VWA8: variants seen among roughly 807,000 people sequenced by gnomAD.
The protein encoded by VWA8 is von Willebrand factor A domain containing 8.
A neutral mutation model predicts 241.5 loss-of-function variants in VWA8; 221 were observed. The observed-to-expected ratio is 0.91, with a 90% CI of 0.82 to 1.02. The LOEUF is 1.02. Ranked by LOEUF, VWA8 falls within the 50% of genes least tolerant of loss-of-function variation. The pLI is 0.00. For synonymous variants in VWA8, 852 were observed against 827.1 expected, an observed-to-expected ratio of 1.03 and a Z score of -0.52; for missense variants, 2,322 against 2,328.7, an observed-to-expected ratio of 1.00 and a Z score of 0.06.
chr13:41,847,123 T>C (rs1039169727), intron 12 of VWA8, among the ~76,000 whole-genome samples: 2 of 152,146 alleles, frequency 1.3e-5, no homozygotes, highest in South Asian at 4.1e-4. Flanking sequence ...ACCAGCCTAC[T>C]GCTTGCAAAT....
intron 37 of VWA8, among the ~76,000 whole-genome samples, chr13:41,665,279 C>T (rs1481392553): frequency 1.3e-5 from 2 of 152,024 alleles, no homozygotes; most frequent in African/African-American, 4.8e-5. Flanking sequence ...CCAGGCATTA[C>T]TGTATTTCAT....
intron 21 of VWA8, among the ~76,000 whole-genome samples, chr13:41,756,164 T>C (rs2045693833): frequency 6.6e-6 from 1 of 151,794 alleles, no homozygotes; most frequent in South Asian, 2.1e-4. Context: ...GATGATATTC[T>C]AAATAACTTT....
At chr13:41,938,288 AG>A (rs1370738285) in intron 2 of VWA8, among the ~76,000 whole-genome samples, 23 of 152,182 alleles carry the variant, frequency 1.5e-4, no homozygotes, top group Non-Finnish European at 1.3e-4. Context: ...GAGACTCTAC[AG>A]GATACTTCAG....
In VWA8 at chr13:41,833,413, C is replaced by T. The variant is rs1271414675; in HGVS notation, c.1544G>A (p.Gly515Asp). ...ALEGKLVLLD[G>D]IHRVNAGTLA... is the part of the protein sequence containing the mutation. ...CGTGCCCGCATTCACCCGGTGAATG[C>T]CATCCAGCAGGACCAGCTTGCCTTC... The change falls in exon 13 of 45, where the codon GGC becomes GAC. Residue 515 changes from glycine (G) to aspartate (D), a missense_variant. Coordinates refer to ENST00000379310, the MANE Select transcript of VWA8 (RefSeq NM_015058.2). 3.7e-6 allele frequency: 6 copies of T among 1,613,414 alleles called. No homozygotes were observed. In the Admixed American group the frequency reaches 6.7e-5, roughly 18 times the overall value.
At chr13:41,944,058 T>C (rs765534891) in intron 2 of VWA8, among the ~76,000 whole-genome samples, 6 of 151,752 alleles carry the variant, frequency 4.0e-5, no homozygotes, top group Admixed American at 1.3e-4. Context: ...TGAGCCAAGA[T>C]TGAGCCACTG....
At chr13:41,756,611 T>A (rs566459790) in intron 21 of VWA8, among the ~76,000 whole-genome samples, 86 of 151,840 alleles carry the variant, frequency 5.7e-4, no homozygotes, top group African/African-American at 1.9e-3. Flanking sequence ...TCACTTTAAG[T>A]TGATAGTATA....
intron 26 of VWA8, among the ~76,000 whole-genome samples, chr13:41,718,059 T>C (rs2045358453): frequency 6.6e-6 from 1 of 152,070 alleles, no homozygotes; most frequent in East Asian, 1.9e-4. Flanking sequence ...GCTTTATAAG[T>C]AAAAATTTTA....
chr13:41,695,804 A>T (rs1270101308), intron 29 of VWA8, among the ~76,000 whole-genome samples: 3 of 152,226 alleles, frequency 2.0e-5, no homozygotes, highest in African/African-American at 7.2e-5. Flanking sequence ...CACAATGAAA[A>T]TCAGATTTTC....
At chr13:41,830,744 A>G (rs1431855823) in intron 13 of VWA8, 102 bp from the exon 14 acceptor site, 5 of 934,434 alleles carry the variant, frequency 5.4e-6, no homozygotes, top group African/African-American at 5.0e-5. Flanking sequence ...ATTGCTGGCA[A>G]TTGAGTCTAA....
intron 37 of VWA8, among the ~76,000 whole-genome samples, chr13:41,634,644 T>C (rs2044745724): frequency 6.6e-6 from 1 of 152,032 alleles, no homozygotes. Flanking sequence ...GGCCTATAAC[T>C]CTCTGTGTGA....
intron 37 of VWA8, among the ~76,000 whole-genome samples, chr13:41,644,676 T>C (rs956439849): frequency 1.3e-4 from 20 of 152,242 alleles, no homozygotes; most frequent in Non-Finnish European, 2.9e-4. Flanking sequence ...CAGGATAGGC[T>C]CTGGCTAACT....
intron 12 of VWA8, among the ~76,000 whole-genome samples, chr13:41,841,855 A>ATATATATATATATATATATATG (rs1423970442): frequency 1.1e-5 from 1 of 89,016 alleles, no homozygotes; most frequent in African/African-American, 5.3e-5. Context: ...ATATATATAT[A>ATATATATATATATATATATATG]TATAAAAACA....
intron 35 of VWA8, among the ~76,000 whole-genome samples, chr13:41,681,299 A>G (rs1417685863): frequency 2.6e-5 from 4 of 152,048 alleles, no homozygotes; most frequent in Admixed American, 6.6e-5. Context: ...TCTTTCCCTT[A>G]CTACAAAACT....
intron 35 of VWA8, among the ~76,000 whole-genome samples, chr13:41,675,926 C>T (rs898354387): frequency 6.6e-6 from 1 of 152,070 alleles, no homozygotes; most frequent in Non-Finnish European, 1.5e-5. Flanking sequence ...CCCTGCAAGA[C>T]AGGGGAAGGT....
intron 1 of VWA8, among the ~76,000 whole-genome samples, chr13:41,956,327 A>AGT (rs993842946): frequency 2.0e-5 from 3 of 152,220 alleles, no homozygotes; most frequent in Admixed American, 6.5e-5. Flanking sequence ...CTACTGGGTT[A>AGT]GTGTCATCAT....
At chr13:41,808,295 C>G (rs1431959291) in intron 17 of VWA8, among the ~76,000 whole-genome samples, 5 of 152,108 alleles carry the variant, frequency 3.3e-5, no homozygotes, top group Non-Finnish European at 7.4e-5. Flanking sequence ...ATATCTGAGA[C>G]TGAGTAATTC....
intron 1 of VWA8, among the ~76,000 whole-genome samples, chr13:41,950,610 T>C (rs1269222122): frequency 2.6e-5 from 4 of 151,152 alleles, no homozygotes; most frequent in African/African-American, 4.9e-5. Flanking sequence ...CCTCGTGATC[T>C]GCCCGCCTTG....
chr13:41,629,129 T>C (rs1015498381), intron 37 of VWA8, among the ~76,000 whole-genome samples: 3 of 152,170 alleles, frequency 2.0e-5, no homozygotes, highest in Non-Finnish European at 2.9e-5. Flanking sequence ...GGTTAGGAGA[T>C]GAAGACTGAA....
intron 40 of VWA8, among the ~76,000 whole-genome samples, chr13:41,592,946 C>T (rs1420408077): frequency 6.6e-6 from 1 of 152,158 alleles, no homozygotes; most frequent in South Asian, 2.1e-4. Context: ...CCTGGTGAGC[C>T]GTGTTAGCTG....
Sources: gnomAD v4.1 joint callset for allele counts (sites outside exome capture counted in the v4.1 genomes callset) on GRCh38, gnomAD v4.1.1 for gene constraint, MANE v1.5 for transcripts, NCBI Gene and HGNC (gene_info 2026-07-23, HGNC 2026-07-21) for gene names.